The following CTNNA2 variants were observed in gnomAD, a reference collection of about 807,000 sequenced individuals.
CTNNA2 encodes the protein catenin alpha-2.
CTNNA2 carries 42 observed loss-of-function variants against 101.0 expected under a neutral mutation model. The ratio of observed to expected loss-of-function variants is 0.42; its 90% confidence interval spans 0.32 to 0.54. CTNNA2 has a LOEUF of 0.54. CTNNA2 is among the 20% of genes least tolerant of loss of function. The probability of loss-of-function intolerance (pLI) is 0.14; values close to 1 mark genes in which losing one functional copy is unlikely to be tolerated. For missense variants in CTNNA2, 871 were observed against 1,223.1 expected, an observed-to-expected ratio of 0.71 and a Z score of 4.29; for synonymous variants, 450 against 456.4, an observed-to-expected ratio of 0.99 and a Z score of 0.18.
chr2:79,571,896 T>A (rs910615671), intron 1 of CTNNA2, among the ~76,000 whole-genome samples: 2 of 152,106 alleles, frequency 1.3e-5, no homozygotes, highest in Non-Finnish European at 2.9e-5. Context: ...TTTAGTACTG[T>A]CTATACTTGA....
At chr2:79,930,355 A>T (rs62141617) in intron 7 of CTNNA2, among the ~76,000 whole-genome samples, 7 of 104,986 alleles carry the variant, frequency 6.7e-5, no homozygotes, top group African/African-American at 1.3e-4. Context: ...AAAGAAAGAA[A>T]GAATGAACAC....
At chr2:80,616,306 C>T (rs574308634) in intron 17 of CTNNA2, 59 of 151,762 alleles carry the variant, frequency 3.9e-4, no homozygotes, top group African/African-American at 1.3e-3. Flanking sequence ...TCTCTTTATC[C>T]GAGAACTTCC....
intron 2 of CTNNA2, among the ~76,000 whole-genome samples, chr2:79,716,470 C>T (rs1166979811): frequency 6.6e-6 from 1 of 152,120 alleles, no homozygotes; most frequent in Non-Finnish European, 1.5e-5. Flanking sequence ...GGTCTCCCTT[C>T]CCCCACACTC....
intron 2 of CTNNA2, among the ~76,000 whole-genome samples, chr2:79,681,407 C>T (rs114421778): frequency 0.023 from 3,500 of 152,276 alleles, 130 homozygotes; most frequent in African/African-American, 0.079. Flanking sequence ...ACCTGTTTTC[C>T]ATCTACCTCC....
intron 7 of CTNNA2, among the ~76,000 whole-genome samples, chr2:79,928,170 A>G (rs1176450130): frequency 6.6e-6 from 1 of 152,004 alleles, no homozygotes; most frequent in Non-Finnish European, 1.5e-5. Flanking sequence ...CTCAGGATAC[A>G]CCCCTTAAGA....
intron 2 of CTNNA2, among the ~76,000 whole-genome samples, chr2:79,670,183 C>G (rs1682733077): frequency 6.6e-6 from 1 of 152,172 alleles, no homozygotes; most frequent in African/African-American, 2.4e-5. Flanking sequence ...AGGCAGGGCC[C>G]ACACTTGTCC....
At position 80,574,157 on chromosome 2, in the gene CTNNA2, A is replaced by G; in HGVS notation, c.1742-6A>G. On this transcript the variant is annotated splice_polypyrimidine_tract_variant and splice_region_variant and intron_variant, in intron 12 of 18. Coordinates refer to ENST00000402739, the MANE Select transcript of CTNNA2 (RefSeq NM_001282597.3). ...CCTAATCCTCTGCTTTTTATTTTTAACCCAGTGATGCCACGCTTCGCTGAA... is the reference window on the plus strand; with the variant it reads ...CCTAATCCTCTGCTTTTTATTTTTAGCCCAGTGATGCCACGCTTCGCTGAA... 6.2e-7 allele frequency: 1 copy of G among 1,607,886 alleles called. No individual in the cohort carries two copies. Among genetic ancestry groups the G allele is most frequent in the Non-Finnish European group, 8.5e-7 (1 of 1,176,160 alleles).
At chr2:80,069,189 G>C (rs2148774404) in intron 7 of CTNNA2, among the ~76,000 whole-genome samples, 2 of 152,194 alleles carry the variant, frequency 1.3e-5, no homozygotes, top group Middle Eastern at 3.4e-3. Context: ...CCACCTTTAT[G>C]TTCTGTATGG....
intron 7 of CTNNA2, among the ~76,000 whole-genome samples, chr2:80,013,178 A>AG (rs1482381498): frequency 6.6e-6 from 1 of 152,122 alleles, no homozygotes; most frequent in Admixed American, 6.6e-5. Flanking sequence ...AAAGAAAAAA[A>AG]AGTCCAAAAC....
chr2:80,129,081 T>G (rs935974294), intron 7 of CTNNA2, among the ~76,000 whole-genome samples: 1 of 152,206 alleles, frequency 6.6e-6, no homozygotes, highest in Non-Finnish European at 1.5e-5. Flanking sequence ...TGGAATTAAA[T>G]GTACAAGAGA....
intron 8 of CTNNA2, among the ~76,000 whole-genome samples, chr2:80,416,832 G>A (rs917978018): frequency 5.9e-5 from 9 of 151,854 alleles, no homozygotes; most frequent in African/African-American, 2.2e-4. Flanking sequence ...ATCAGATTTT[G>A]TATGTCTTAT....
Position 79,796,394 on chromosome 2 carries a change from C to CAAAA in CTNNA2, c.298+51827_298+51830dup, listed in dbSNP as rs386390569. Among the ~76,000 whole-genome samples, 391 of 94,744 alleles carry CAAAA rather than the reference C, an allele frequency of 4.1e-3. 12 individuals are homozygous for CAAAA. Among genetic ancestry groups the CAAAA allele is most frequent in the African/African-American group, 0.013 (361 of 28,192 alleles). The allele number at this position is 94,744 out of a possible 152,430, so 62.2% of individuals were successfully genotyped here. A position where few individuals can be genotyped will look rare whatever the true frequency, so the allele number is the denominator to read the frequency against. The stretch of plus-strand genomic sequence containing the variant: ...TAGGCGACAGAGCGAGACTCCGTCT[C>CAAAA]AAAAAAAAAAAAAAAAAAGTGGCCT... On this transcript the variant is annotated intron_variant, in intron 3 of 18. Transcript: ENST00000402739.
chr2:79,765,855 T>C (rs1453569796), intron 3 of CTNNA2, among the ~76,000 whole-genome samples: 1 of 152,240 alleles, frequency 6.6e-6, no homozygotes, highest in South Asian at 2.1e-4. Flanking sequence ...ACTTGCGTAC[T>C]CCCTCACCTT....
chr2:79,461,647 CATCACGCCT>C (rs1670880550), intron 4 of CTNNA2, among the ~76,000 whole-genome samples: 1 of 152,050 alleles, frequency 6.6e-6, no homozygotes, highest in South Asian at 2.1e-4. Context: ...TTAGCTGGGC[CATCACGCCT>C]ATCTAAGAAG....
Position 79,854,063 on chromosome 2 carries a change from C to G in CTNNA2, c.299-3950C>G, listed in dbSNP as rs922790683. Among the ~76,000 whole-genome samples the G allele has an allele frequency of 5.3e-5, 8 of 152,298 alleles. No homozygotes were observed. The Middle Eastern group carries it at 0.014, about 259-fold the overall frequency. Reference sequence around the variant, plus strand: ...AGCTGATGCACAATTATGTATTCATCCCAGTGCTTTCAGGGTAGCCTAGGA... The same window carrying G: ...AGCTGATGCACAATTATGTATTCATGCCAGTGCTTTCAGGGTAGCCTAGGA... On this transcript the variant is annotated intron_variant, in intron 3 of 18. Transcript: ENST00000402739.
intron 13 of CTNNA2, among the ~76,000 whole-genome samples, chr2:80,577,912 A>G (rs1695196316): frequency 6.6e-6 from 1 of 152,212 alleles, no homozygotes; most frequent in Non-Finnish European, 1.5e-5. Flanking sequence ...ATGAGAAAAT[A>G]CTGAAGGATT....
intron 1 of CTNNA2, among the ~76,000 whole-genome samples, chr2:79,560,181 A>C (rs1464812421): frequency 6.6e-6 from 1 of 151,800 alleles, no homozygotes; most frequent in Non-Finnish European, 1.5e-5. Flanking sequence ...TCAGAGAAGT[A>C]AATTAGTATC....
intron 7 of CTNNA2, among the ~76,000 whole-genome samples, chr2:80,082,555 G>A (rs1699215878): frequency 6.6e-6 from 1 of 152,094 alleles, no homozygotes; most frequent in African/African-American, 2.4e-5. Context: ...GGTGCATTTG[G>A]TCGGTGGGTG....
intron 4 of CTNNA2, among the ~76,000 whole-genome samples, chr2:79,435,894 A>G (rs1202558258): frequency 6.6e-6 from 1 of 152,210 alleles, no homozygotes; most frequent in East Asian, 1.9e-4. Flanking sequence ...CTTGAGCAGA[A>G]CATTTCTTAG....
Sources: gnomAD v4.1 joint callset for allele counts (sites outside exome capture counted in the v4.1 genomes callset) on GRCh38, gnomAD v4.1.1 for gene constraint, MANE v1.5 for transcripts, NCBI Gene and HGNC (gene_info 2026-07-23, HGNC 2026-07-21) for gene names.